The following CARS1 variants were observed in gnomAD, a reference collection of about 807,000 sequenced individuals.
CARS1 encodes cysteinyl-tRNA synthetase 1, also known as cysteine--tRNA ligase, cytoplasmic.
Under a neutral mutation model 106.2 loss-of-function variants are expected in CARS1, and 48 were observed. The observed-to-expected ratio is 0.45, with a 90% CI of 0.36 to 0.57. The LOEUF is 0.57. CARS1 is among the 20% of genes least tolerant of loss of function. CARS1 has a pLI of 0.00. For missense variants in CARS1, 968 were observed against 1,057.2 expected, an observed-to-expected ratio of 0.92 and a Z score of 1.17; for synonymous variants, 409 against 403.4, an observed-to-expected ratio of 1.01 and a Z score of -0.17.
At chr11:3,012,362 G>C in intron 17 of CARS1, 86 bp from the exon 18 acceptor site, 1 of 1,186,238 alleles carries the variant, frequency 8.4e-7, no homozygotes, top group Non-Finnish European at 1.3e-6. Flanking sequence ...CCGCGACACA[G>C]GGCAGGGACT....
At chr11:3,002,075 A>G (rs1849448027) in intron 21 of CARS1, 22 bp from the exon 22 acceptor site, 2 of 1,549,318 alleles carry the variant, frequency 1.3e-6, no homozygotes, top group Non-Finnish European at 1.8e-6. Context: ...AACACGGCAC[A>G]GTCACTGCCC....
chr11:3,031,762 AG>A (rs1365017871), intron 7 of CARS1, among the ~76,000 whole-genome samples: 1 of 152,200 alleles, frequency 6.6e-6, no homozygotes, highest in African/African-American at 2.4e-5. Context: ...GAGGAAAACC[AG>A]GACTGTAACA....
intron 7 of CARS1, among the ~76,000 whole-genome samples, chr11:3,035,006 G>C (rs1207334438): frequency 2.6e-5 from 4 of 152,054 alleles, no homozygotes; most frequent in Admixed American, 6.6e-5. Flanking sequence ...GGCCAAACTG[G>C]CTTCTGTAAC....
Position 3,050,502 on chromosome 11 carries a change from G to C in CARS1, c.26-2501C>G, listed in dbSNP as rs1409866984. Among the ~76,000 whole-genome samples the C allele has an allele frequency of 1.3e-5, 2 of 152,162 alleles. No individual in the cohort carries two copies. On this transcript the variant is annotated intron_variant, in intron 1 of 22. Coordinates refer to ENST00000380525, the MANE Select transcript of CARS1 (RefSeq NM_001014437.3). This position sits in a 1 kb window ranked among gnomAD's most constrained non-coding sequence, Gnocchi z 6.3. ...ACTTGAGAGCCAGCCCTTGTCACCT[G>C]GATTCCTGCAAGCCAGACACCGCCA... is the stretch of plus-strand genomic sequence containing the variant.
Position 3,001,122 on chromosome 11 carries a change from A to G in CARS1, c.2488T>C (p.Phe830Leu). 6.2e-7 allele frequency: 1 copy of G among 1,614,048 alleles called. No homozygotes were observed. Among genetic ancestry groups the G allele is most frequent in the Non-Finnish European group, 8.5e-7 (1 of 1,180,006 alleles). Residue 830 changes from phenylalanine to leucine, a missense_variant, in exon 23 of 23, where the codon TTC becomes CTC. Coordinates refer to ENST00000380525, the MANE Select transcript of CARS1 (RefSeq NM_001014437.3). ...EYLQMAQNGS[F>L]Q ...GTCAGTCCTGTGCCCCCTCACTGGA[A>G]GCTTCCATTCTGGGCCATCTGCAGA...
chr11:3,047,599 G>A (rs181954024), intron 2 of CARS1, among the ~76,000 whole-genome samples, 154 bp downstream of exon 2: 1 of 152,356 alleles, frequency 6.6e-6, no homozygotes, highest in African/African-American at 2.4e-5. Flanking sequence ...AGCAAGCGCT[G>A]CATCTGCCCA....
rs1479691068 is a variant in CARS1 at position 3,038,494 on chromosome 11, G to A, written c.652-295C>T. Among the ~76,000 whole-genome samples the A allele has an allele frequency of 1.3e-5, 2 of 152,164 alleles. No individual in the cohort carries two copies. Among genetic ancestry groups the A allele is most frequent in the Non-Finnish European group, 1.5e-5 (1 of 68,030 alleles). On this transcript the variant is annotated intron_variant, in intron 6 of 22. Transcript: ENST00000380525. The surrounding 1 kb of genome is among the most constrained non-coding windows in gnomAD (Gnocchi z 4.0). ...GAGCAGTATTTCTAGGGCTGTTCTG[G>A]GGATGAGGAAAAGTAGGCCACCCAG...
At chr11:3,015,101 G>A (rs1447979373) in intron 17 of CARS1, among the ~76,000 whole-genome samples, 2 of 152,222 alleles carry the variant, frequency 1.3e-5, no homozygotes, top group Admixed American at 6.5e-5. Context: ...GGACAGGACT[G>A]ACAGTGTGTG....
intron 18 of CARS1, 86 bp from the exon 19 acceptor site, chr11:3,007,045 G>T: frequency 1.8e-6 from 2 of 1,090,852 alleles, no homozygotes. Flanking sequence ...GGGGAAGGAG[G>T]GGCCGTGGCC....
chr11:3,056,404 C>T (rs1590597903), intron 1 of CARS1, among the ~76,000 whole-genome samples: 1 of 152,226 alleles, frequency 6.6e-6, no homozygotes, highest in East Asian at 1.9e-4. Flanking sequence ...GCCTTTCCAG[C>T]ACCTAAAATC....
rs568754654 is a variant in CARS1 at position 3,048,822 on chromosome 11, C to T, written c.26-821G>A. Among the ~76,000 whole-genome samples, 70 of 152,344 alleles carry T rather than the reference C, an allele frequency of 4.6e-4. No individual in the cohort carries two copies. The highest frequency in any genetic ancestry group is 3.4e-3 in the Middle Eastern group (1 of 294). ...ATGTGGCTGCTCCAGCCAGCCTCAC[C>T]TGGCCCCTGGCCCCTGGCCCCAGGC... On this transcript the variant is annotated intron_variant, in intron 1 of 22. Transcript: ENST00000380525. This position sits in a 1 kb window ranked among gnomAD's most constrained non-coding sequence, Gnocchi z 5.1.
At chr11:3,016,320 A>G (rs1308114033) in intron 16 of CARS1, among the ~76,000 whole-genome samples, 2 of 150,596 alleles carry the variant, frequency 1.3e-5, no homozygotes. Context: ...TCCTGGGTTC[A>G]TGCCATTCTC....
At chr11:3,015,907 G>A (rs940264051) in intron 16 of CARS1, 58 bp from the exon 17 acceptor site, 20 of 1,384,292 alleles carry the variant, frequency 1.4e-5, no homozygotes, top group Admixed American at 6.7e-5. Flanking sequence ...GGCATGTGGC[G>A]AGCAGCTGTG....
chr11:3,020,082 CTG>C lies in CARS1; in HGVS notation c.1266+136_1266+137del. The stretch of plus-strand genomic sequence containing the variant: ...GTCCAGGTCCCCGGGGCCAGGCAGC[CTG>C]TGCTGCACCAGCACCAGGCTCTGGC... On this transcript the variant is annotated intron_variant, in intron 11 of 22. Coordinates refer to ENST00000380525, the MANE Select transcript of CARS1 (RefSeq NM_001014437.3). This position sits in a 1 kb window ranked among gnomAD's most constrained non-coding sequence, Gnocchi z 4.6. 1.5e-6 allele frequency: 1 copy of C among 653,930 alleles called. No homozygotes were observed. Among genetic ancestry groups the C allele is most frequent in the Non-Finnish European group, 2.7e-6 (1 of 364,208 alleles). The allele number at this position is 653,930 out of a possible 1,614,324, so 40.5% of individuals were successfully genotyped here.
At position 3,034,121 on chromosome 11, in the gene CARS1, C is replaced by T. The variant is rs116404748; in HGVS notation, c.801+3929G>A. Among the ~76,000 whole-genome samples, 553 of 152,264 alleles carry T rather than the reference C, an allele frequency of 3.6e-3. 4 individuals carry two copies. Among genetic ancestry groups the T allele is most frequent in the African/African-American group, 0.012 (508 of 41,540 alleles). On this transcript the variant is annotated intron_variant, in intron 7 of 22. Transcript: ENST00000380525. This position sits in a 1 kb window ranked among gnomAD's most constrained non-coding sequence, Gnocchi z 6.3. Reference sequence around the variant, plus strand: ...TGACCAACAGAACAGAATTAAGAGACACAAACACATGCCAACATGTAACAG... The same window carrying T: ...TGACCAACAGAACAGAATTAAGAGATACAAACACATGCCAACATGTAACAG...
Position 3,028,883 on chromosome 11 carries a change from A to G in CARS1, c.1031+113T>C. The G allele has an allele frequency of 1.3e-6, 1 of 760,736 alleles. No individual in the cohort carries two copies. The allele number at this position is 760,736 out of a possible 1,614,324, so 47.1% of individuals were successfully genotyped here. A position where few individuals can be genotyped will look rare whatever the true frequency, so the allele number is the denominator to read the frequency against. On this transcript the variant is annotated intron_variant, in intron 9 of 22. Transcript: ENST00000380525. The surrounding 1 kb of genome is among the most constrained non-coding windows in gnomAD (Gnocchi z 4.4). The stretch of plus-strand genomic sequence containing the variant: ...AGTCTGCTGGGACTTCTAGCTACGC[A>G]GCCCCAGAACACCTGCTCCTCTGCT...
chr11:3,009,802 A>G (rs530063642), intron 18 of CARS1, among the ~76,000 whole-genome samples: 2 of 152,190 alleles, frequency 1.3e-5, no homozygotes, highest in Non-Finnish European at 2.9e-5. Flanking sequence ...AGCAGATCCC[A>G]GCTGATCTGA....
Position 3,048,188 on chromosome 11 carries a change from T to G in CARS1, c.26-187A>C, listed in dbSNP as rs564320612. On this transcript the variant is annotated intron_variant, in intron 1 of 22. Coordinates refer to ENST00000380525, the MANE Select transcript of CARS1 (RefSeq NM_001014437.3). The surrounding 1 kb of genome is among the most constrained non-coding windows in gnomAD (Gnocchi z 5.1). Reference sequence around the variant, plus strand: ...CTTCGACTGGGGGCGAGGGAGTGACTGCCTGACAGGTATGGATGGGTTCCC... The same window carrying G: ...CTTCGACTGGGGGCGAGGGAGTGACGGCCTGACAGGTATGGATGGGTTCCC... Among the ~76,000 whole-genome samples the G allele has an allele frequency of 2.0e-5, 3 of 152,316 alleles. No individual in the cohort carries two copies. Among genetic ancestry groups the G allele is most frequent in the African/African-American group, 7.2e-5 (3 of 41,570 alleles).
chr11:3,039,998 G>A lies in CARS1; in HGVS notation c.456-67C>T, dbSNP rs764350863. 1.3e-4 allele frequency: 106 copies of A among 795,772 alleles called. No homozygotes were observed. The highest frequency in any genetic ancestry group is 2.3e-4 in the Middle Eastern group (1 of 4,432). 49.3% of individuals were successfully genotyped at this position (795,772 alleles called of 1,614,324 possible). ...TGTATAGCTTAACCTCCAACAACAC[G>A]TGTTTGAACTGCATGAGTGCATTTA... On this transcript the variant is annotated intron_variant, in intron 4 of 22. Transcript: ENST00000380525. The surrounding 1 kb of genome is among the most constrained non-coding windows in gnomAD (Gnocchi z 5.6).
Sources: gnomAD v4.1 joint callset for allele counts (sites outside exome capture counted in the v4.1 genomes callset) on GRCh38, gnomAD v4.1.1 for gene constraint, Gnocchi (gnomAD v3.1) non-coding constraint, MANE v1.5 for transcripts, NCBI Gene and HGNC (gene_info 2026-07-23, HGNC 2026-07-21) for gene names.